The following SEMA6D variants were observed in gnomAD, a reference collection of about 807,000 sequenced individuals.
SEMA6D encodes the protein semaphorin-6D.
SEMA6D carries 35 observed loss-of-function variants against 106.6 expected under a neutral mutation model. The ratio of observed to expected loss-of-function variants is 0.33; its 90% CI spans 0.25 to 0.44. The LOEUF is 0.44. Among genes scored for constraint, SEMA6D ranks in the 20% least tolerant of loss-of-function variants. The pLI is 1.00. For synonymous variants in SEMA6D, 499 were observed against 487.7 expected (o/e 1.02, Z -0.31); for missense variants, 1,185 against 1,345.9 (o/e 0.88, Z 1.87).
At chr15:47,608,758 A>G (rs917326465) in intron 4 of SEMA6D, among the ~76,000 whole-genome samples, 2 of 152,194 alleles carry the variant, frequency 1.3e-5, no homozygotes, top group African/African-American at 4.8e-5. Context: ...AATCTGAAGT[A>G]TATGTATTTA....
chr15:47,499,530 T>C (rs986086941), intron 3 of SEMA6D, among the ~76,000 whole-genome samples: 1 of 152,208 alleles, frequency 6.6e-6, no homozygotes, highest in Non-Finnish European at 1.5e-5. Context: ...ATATTTTGTA[T>C]TTAAATATCT....
intron 1 of SEMA6D, among the ~76,000 whole-genome samples, chr15:47,229,930 T>C (rs1460346149): frequency 6.6e-6 from 1 of 152,126 alleles, no homozygotes; most frequent in Admixed American, 6.6e-5. Context: ...TAAATTTGAA[T>C]TTCAGATAAA....
chr15:47,382,072 C>T (rs555542209), intron 1 of SEMA6D, among the ~76,000 whole-genome samples: 6 of 151,984 alleles, frequency 3.9e-5, no homozygotes, highest in African/African-American at 1.5e-4. Flanking sequence ...AATAAAGATA[C>T]AAAGAGGTAA....
At chr15:47,413,927 C>G (rs967039218) in intron 2 of SEMA6D, among the ~76,000 whole-genome samples, 1 of 152,176 alleles carries the variant, frequency 6.6e-6, no homozygotes, top group Non-Finnish European at 1.5e-5. Flanking sequence ...CTGTGAATTT[C>G]TGAAGGATGT....
chr15:47,380,762 T>G (rs1301609870), intron 1 of SEMA6D, among the ~76,000 whole-genome samples: 1 of 152,180 alleles, frequency 6.6e-6, no homozygotes, highest in African/African-American at 2.4e-5. Context: ...ATTTCAGATT[T>G]CAGTGATATA....
chr15:47,571,196 C>T (rs544479563), intron 3 of SEMA6D, among the ~76,000 whole-genome samples: 50 of 151,966 alleles, frequency 3.3e-4, no homozygotes, highest in Non-Finnish European at 5.7e-4. Flanking sequence ...AATTACTCTT[C>T]GGCCCACTTG....
At chr15:47,328,194 A>C (rs1358820028) in intron 1 of SEMA6D, among the ~76,000 whole-genome samples, 3 of 152,228 alleles carry the variant, frequency 2.0e-5, no homozygotes, top group Non-Finnish European at 4.4e-5. Flanking sequence ...AATACCTTAG[A>C]TGAAGTAAAG....
At chr15:47,370,374 G>T (rs766400452) in intron 1 of SEMA6D, among the ~76,000 whole-genome samples, 1 of 151,990 alleles carries the variant, frequency 6.6e-6, no homozygotes, top group Non-Finnish European at 1.5e-5. Flanking sequence ...AATTAGCCAG[G>T]CTTGATGGTT....
At chr15:47,565,426 C>T (rs1183783465) in intron 3 of SEMA6D, among the ~76,000 whole-genome samples, 1 of 152,186 alleles carries the variant, frequency 6.6e-6, no homozygotes, top group African/African-American at 2.4e-5. Flanking sequence ...TTCATTTGCT[C>T]ACACACTCCC....
chr15:47,527,550 TAA>T (rs1016288404), intron 3 of SEMA6D: 3 of 152,192 alleles, frequency 2.0e-5, no homozygotes, highest in Admixed American at 1.3e-4. Context: ...TTACAGAAAA[TAA>T]AGTGTTTTAC....
chr15:47,647,719 C>CAAA (rs777557315), intron 4 of SEMA6D, among the ~76,000 whole-genome samples: 244 of 93,832 alleles, frequency 2.6e-3, no homozygotes, highest in Admixed American at 5.5e-3. Flanking sequence ...CAATTGTGGG[C>CAAA]AAAAAAAAAA....
intron 4 of SEMA6D, among the ~76,000 whole-genome samples, chr15:47,636,299 A>G (rs1001771230): frequency 6.6e-6 from 1 of 152,204 alleles, no homozygotes; most frequent in Non-Finnish European, 1.5e-5. Context: ...CAGGTTTTCA[A>G]ACTTGAATTA....
At chr15:47,732,593 A>T (rs1234474409) in intron 1 of SEMA6D, among the ~76,000 whole-genome samples, 1 of 152,120 alleles carries the variant, frequency 6.6e-6, no homozygotes, top group Non-Finnish European at 1.5e-5. Flanking sequence ...AAACAAAATC[A>T]CCATTTTGTT....
intron 1 of SEMA6D, chr15:47,185,628 C>T (rs556291539): frequency 6.6e-6 from 1 of 152,252 alleles, no homozygotes; most frequent in South Asian, 2.1e-4. Context: ...TGGCCAAGCA[C>T]TGGTGTAGAC....
At chr15:47,367,687 C>CGCGCGT (rs1555428939) in intron 1 of SEMA6D, among the ~76,000 whole-genome samples, 70 of 42,098 alleles carry the variant, frequency 1.7e-3, no homozygotes, top group African/African-American at 6.3e-3. Flanking sequence ...CACGCGCGCG[C>CGCGCGT]GCGCGCACAC....
intron 1 of SEMA6D, among the ~76,000 whole-genome samples, chr15:47,339,718 G>T (rs1192110341): frequency 6.6e-6 from 1 of 152,062 alleles, no homozygotes. Context: ...AATTAGCCGG[G>T]TGTGGTGTCA....
chr15:47,403,079 A>G (rs1595912193), intron 1 of SEMA6D, among the ~76,000 whole-genome samples: 1 of 152,294 alleles, frequency 6.6e-6, no homozygotes, highest in East Asian at 1.9e-4. Flanking sequence ...GGTTCAGTCA[A>G]GTTGGCGTAC....
intron 1 of SEMA6D, among the ~76,000 whole-genome samples, chr15:47,391,492 G>A (rs2040030515): frequency 6.6e-6 from 1 of 152,072 alleles, no homozygotes; most frequent in Non-Finnish European, 1.5e-5. Flanking sequence ...AGCAGACTGA[G>A]GAGAGGTGAC....
At chr15:47,600,453 A>C (rs1472106621) in intron 3 of SEMA6D, among the ~76,000 whole-genome samples, 1 of 152,180 alleles carries the variant, frequency 6.6e-6, no homozygotes, top group Non-Finnish European at 1.5e-5. Context: ...GCCTCAGCCC[A>C]AACAAATGTT....
Sources: gnomAD v4.1 joint callset for allele counts (sites outside exome capture counted in the v4.1 genomes callset) on GRCh38, gnomAD v4.1.1 for gene constraint, MANE v1.5 for transcripts, NCBI Gene and HGNC (gene_info 2026-07-23, HGNC 2026-07-21) for gene names.